TANK: variants seen among roughly 807,000 people sequenced by gnomAD.
TANK encodes the protein TRAF family member associated NFKB activator.
Under a neutral mutation model 43.6 loss-of-function variants are expected in TANK, and 15 were observed. That is an observed-to-expected ratio of 0.34 (90% CI 0.23 to 0.53). TANK has a LOEUF of 0.53. Among genes scored for constraint, TANK ranks in the 20% least tolerant of loss-of-function variants. The pLI is 0.94. For missense variants in TANK, 417 were observed against 498.6 expected (o/e 0.84, Z 1.56); for synonymous variants, 162 against 178.2 (o/e 0.91, Z 0.73).
Position 161,231,176 on chromosome 2 carries a change from C to T in TANK, c.726C>T (p.Asp242=). 4 of 1,613,990 alleles carry T rather than the reference C, an allele frequency of 2.5e-6. No homozygotes were observed. The highest frequency in any genetic ancestry group is 3.4e-6 in the Non-Finnish European group (4 of 1,180,020). ...FNVKFPPMDN[D]STFLHSTPER... ...TCAAGTTTCCACCTATGGACAATGA[C>T]TCAACTTTCTTACATAGCACTCCAG... The change falls in exon 7 of 8, where the codon GAC becomes GAT. Residue 242 remains aspartate, a synonymous_variant. Coordinates refer to ENST00000392749, the MANE Select transcript of TANK (RefSeq NM_001199135.3).
upstream of TANK, among the ~76,000 whole-genome samples, chr2:161,159,593 A>T (rs1684317552): frequency 6.6e-6 from 1 of 152,262 alleles, no homozygotes; most frequent in African/African-American, 2.4e-5. Flanking sequence ...ATGCACTGCA[A>T]CTTGGCAGGT....
chr2:161,180,228 C>A, intron 2 of TANK: 3 of 552,368 alleles, frequency 5.4e-6, no homozygotes, highest in Non-Finnish European at 6.9e-6. Context: ...TATAACAATT[C>A]AAAGTAGACT....
At chr2:161,218,236 T>C (rs1434726557) in intron 4 of TANK, among the ~76,000 whole-genome samples, 1 of 152,190 alleles carries the variant, frequency 6.6e-6, no homozygotes, top group Non-Finnish European at 1.5e-5. Flanking sequence ...ACATGGCCTG[T>C]AACTGCTTCT....
chr2:161,160,647 T>G, intron 1 of TANK, 161 bp downstream of exon 1: 1 of 574,720 alleles, frequency 1.7e-6, no homozygotes, highest in Non-Finnish European at 2.8e-6. Flanking sequence ...GGGGAGGGAT[T>G]TTGTGCGGGA....
intron 1 of TANK, among the ~76,000 whole-genome samples, chr2:161,164,908 A>C (rs1186129801): frequency 6.6e-6 from 1 of 152,154 alleles, no homozygotes; most frequent in African/African-American, 2.4e-5. Flanking sequence ...TGTCTCATGG[A>C]AAATTTCCTG....
intron 2 of TANK, among the ~76,000 whole-genome samples, chr2:161,186,368 A>G (rs1685665305): frequency 6.6e-6 from 1 of 152,002 alleles, no homozygotes; most frequent in Non-Finnish European, 1.5e-5. Context: ...TTACTATCCC[A>G]TTTGGTTGGA....
chr2:161,150,995 C>A (rs1053708933), intron 1 of TANK, among the ~76,000 whole-genome samples: 1 of 152,118 alleles, frequency 6.6e-6, no homozygotes, highest in African/African-American at 2.4e-5. Flanking sequence ...TGTTTTTATT[C>A]TTCTCCAAGT....
chr2:161,156,663 A>G (rs1684234561), upstream of TANK, among the ~76,000 whole-genome samples: 1 of 45,866 alleles, frequency 2.2e-5, no homozygotes, highest in Non-Finnish European at 4.8e-5. Context: ...GTCTGATGCT[A>G]TTAAGTTCTT....
chr2:161,139,883 G>A (rs1683693093), intron 1 of TANK: 1 of 985,216 alleles, frequency 1.0e-6, no homozygotes, highest in Non-Finnish European at 1.2e-6. Flanking sequence ...CCGCAATTTA[G>A]TTACAACTGT....
At chr2:161,232,885 C>T (rs1404217165) in intron 7 of TANK, 1 of 1,540,258 alleles carries the variant, frequency 6.5e-7, no homozygotes, top group South Asian at 1.2e-5. Flanking sequence ...TGTCACAAGA[C>T]ATGGGGCATA....
chr2:161,230,995 A>G lies in TANK; in HGVS notation c.545A>G (p.Gln182Arg), dbSNP rs750308735. 3 of 1,614,064 alleles carry G rather than the reference A, an allele frequency of 1.9e-6. No individual in the cohort carries two copies. The highest frequency in any genetic ancestry group is 1.1e-5 in the South Asian group (1 of 91,080). ...GAAACACAGTGCTCTGTGCCTATAC[A>G]GTGTACGGATAAAACAGATAAACAA... ...ATETQCSVPI[Q>R]CTDKTDKQEA... Residue 182 changes from glutamine to arginine, a missense_variant, in exon 7 of 8, where the codon CAG (glutamine) becomes CGG (arginine). Gln to Arg is a conservative substitution (Grantham distance 43, BLOSUM62 1). Transcript: ENST00000392749.
At chr2:161,198,032 T>C (rs899340275) in intron 2 of TANK, among the ~76,000 whole-genome samples, 2 of 152,192 alleles carry the variant, frequency 1.3e-5, no homozygotes, top group African/African-American at 4.8e-5. Context: ...AAGTTTCATC[T>C]TAACACTATC....
intron 3 of TANK, among the ~76,000 whole-genome samples, chr2:161,204,208 T>C (rs779711223): frequency 2.6e-5 from 4 of 152,182 alleles, no homozygotes; most frequent in Admixed American, 6.5e-5. Flanking sequence ...TCTGATAGAA[T>C]ATATAAACCA....
Position 161,173,646 on chromosome 2 carries a change from T to A in TANK, c.-49-5968T>A, listed in dbSNP as rs563573500. ...AAGATGTGCCCAGACCTTTTTTTTT[T>A]AAACATTTATAATTGACCTTTTGGC... On this transcript the variant is annotated intron_variant, in intron 1 of 7. Transcript: ENST00000392749. Among the ~76,000 whole-genome samples the A allele has an allele frequency of 5.3e-5, 8 of 152,146 alleles. No homozygotes were observed. The South Asian group carries it at 1.0e-3, about 20-fold the overall frequency.
At chr2:161,177,728 A>G (rs890614168) in intron 1 of TANK, among the ~76,000 whole-genome samples, 2 of 152,168 alleles carry the variant, frequency 1.3e-5, no homozygotes, top group African/African-American at 4.8e-5. Context: ...ACTATCAAGA[A>G]GTGAAAAGGC....
At chr2:161,147,446 T>A (rs979025674) in intron 1 of TANK, among the ~76,000 whole-genome samples, 1 of 151,916 alleles carries the variant, frequency 6.6e-6, no homozygotes. Flanking sequence ...GGCCTGGTGG[T>A]GTGGGCTCAC....
At chr2:161,199,993 T>C (rs979889459) in intron 2 of TANK, among the ~76,000 whole-genome samples, 2 of 152,200 alleles carry the variant, frequency 1.3e-5, no homozygotes, top group African/African-American at 4.8e-5. Flanking sequence ...GTCTTTGAAA[T>C]TGGAAGGAGT....
At chr2:161,206,737 G>C (rs1161567736) in intron 4 of TANK, among the ~76,000 whole-genome samples, 3 of 151,938 alleles carry the variant, frequency 2.0e-5, no homozygotes, top group African/African-American at 7.2e-5. Flanking sequence ...TGACTTTTTG[G>C]AATGCAATTT....
intron 7 of TANK, among the ~76,000 whole-genome samples, chr2:161,234,106 T>C (rs897366442): frequency 6.6e-6 from 1 of 152,234 alleles, no homozygotes; most frequent in African/African-American, 2.4e-5. Context: ...TAGACAGACG[T>C]TGTATATTTA....
Sources: gnomAD v4.1 joint callset for allele counts (sites outside exome capture counted in the v4.1 genomes callset) on GRCh38, gnomAD v4.1.1 for gene constraint, MANE v1.5 for transcripts, NCBI Gene and HGNC (gene_info 2026-07-23, HGNC 2026-07-21) for gene names.